The following DOCK6 variants were observed in gnomAD, a reference collection of about 807,000 sequenced individuals.
The protein encoded by DOCK6 is dedicator of cytokinesis protein 6.
A neutral mutation model predicts 230.3 loss-of-function variants in DOCK6; 167 were observed. The observed-to-expected ratio is 0.73, with a 90% CI of 0.64 to 0.82. DOCK6 has a LOEUF of 0.82. DOCK6 is among the 40% of genes least tolerant of loss of function. The pLI, the probability that DOCK6 is intolerant of heterozygous loss-of-function variation, is 0.00. For missense variants in DOCK6, 2,598 were observed against 2,825.8 expected (o/e 0.92, Z 1.83); for synonymous variants, 1,148 against 1,185.0 (o/e 0.97, Z 0.64).
rs1445936845 is a variant in DOCK6, at chr19:11,235,907, G to C, written c.2393-148C>G. 4.8e-6 allele frequency: 5 copies of C among 1,048,564 alleles called. No homozygotes were observed. In the African/African-American group the frequency reaches 8.5e-5, roughly 18 times the overall value. 65.0% of individuals were successfully genotyped at this position (1,048,564 alleles called of 1,614,324 possible). On this transcript the variant is annotated intron_variant, in intron 20 of 47. Transcript: ENST00000294618. ...TTTTTTTTTTTTTTTTTGAGATGGA[G>C]TCTTGCTCTGTTGCCCGGGCTGGAG...
chr19:11,256,054 C>G (rs912801523), intron 1 of DOCK6, among the ~76,000 whole-genome samples: 3 of 152,188 alleles, frequency 2.0e-5, no homozygotes, highest in Non-Finnish European at 4.4e-5. Context: ...TCCCAAAGTG[C>G]TGGGATTACA....
At chr19:11,256,956 G>A (rs1188132588) in intron 1 of DOCK6, among the ~76,000 whole-genome samples, 3 of 151,978 alleles carry the variant, frequency 2.0e-5, no homozygotes, top group Non-Finnish European at 2.9e-5. Flanking sequence ...TGGGATTACA[G>A]GCGTGAGCCA....
chr19:11,251,184 A>C, intron 5 of DOCK6, 98 bp from the exon 6 acceptor site: 1 of 1,261,932 alleles, frequency 7.9e-7, no homozygotes, highest in Non-Finnish European at 1.1e-6. Context: ...AGATGGGGAA[A>C]TTGAGGGTCA....
chr19:11,253,525 C>T (rs2080153265), intron 2 of DOCK6, 114 bp downstream of exon 2: 2 of 636,954 alleles, frequency 3.1e-6, no homozygotes, highest in South Asian at 4.0e-5. Context: ...CTCTCGGTTT[C>T]CCCCCAGGAC....
rs756056804 is a variant in DOCK6, at chr19:11,202,488, A to G, written c.5362-5T>C. The G allele has an allele frequency of 6.2e-7, 1 of 1,611,290 alleles. No individual in the cohort carries two copies. The highest frequency in any genetic ancestry group is 1.1e-5 in the South Asian group (1 of 90,934). ...AAATCTCTCCGTGTAGAACTCCTGG[A>G]GACACAGGGCTGACTCGGGGCCACC... is the stretch of plus-strand genomic sequence containing the variant. On this transcript the variant is annotated splice_region_variant and splice_polypyrimidine_tract_variant and intron_variant, in intron 42 of 47. Coordinates refer to ENST00000294618, the MANE Select transcript of DOCK6 (RefSeq NM_020812.4). This position sits in a 1 kb window ranked among gnomAD's most constrained non-coding sequence, Gnocchi z 5.3.
chr19:11,241,419 TGAG>T, intron 14 of DOCK6: 1 of 1,485,334 alleles, frequency 6.7e-7, no homozygotes, highest in Non-Finnish European at 9.2e-7. Context: ...GGCTGTCGGC[TGAG>T]GTTTCCATTC....
intron 1 of DOCK6, among the ~76,000 whole-genome samples, chr19:11,258,117 G>A (rs1306889215): frequency 1.3e-5 from 2 of 152,184 alleles, no homozygotes; most frequent in African/African-American, 2.4e-5. Context: ...CATGTTCACT[G>A]ACCAAAGAGG....
At position 11,202,404 on chromosome 19, in the gene DOCK6, T is replaced by G; in HGVS notation, c.5441A>C (p.Asp1814Ala). The G allele has an allele frequency of 6.2e-6, 10 of 1,613,714 alleles. No homozygotes were observed. The highest frequency in any genetic ancestry group is 8.5e-6 in the Non-Finnish European group (10 of 1,179,790). ...DSNPVDKSKL[D>A]SQKAYIQITY... The stretch of plus-strand genomic sequence containing the variant: ...GGTTGGGGGACCCACCTTTTGTGAG[T>G]CAAGCTTGGACTTGTCCACAGGGTT... Residue 1814 changes from aspartate to alanine, a missense_variant, in exon 43 of 48, where the codon GAC (aspartate) becomes GCC (alanine). Asp to Ala is a moderately radical substitution (Grantham distance 126). Coordinates refer to ENST00000294618, the MANE Select transcript of DOCK6 (RefSeq NM_020812.4). The surrounding 1 kb of genome is among the most constrained non-coding windows in gnomAD (Gnocchi z 5.3).
chr19:11,213,351 A>T, intron 34 of DOCK6, 23 bp from the exon 35 acceptor site: 1 of 1,604,362 alleles, frequency 6.2e-7, no homozygotes, highest in Non-Finnish European at 8.5e-7. Flanking sequence ...ACCCAGACAG[A>T]CACTGTCCAG....
Position 11,253,652 on chromosome 19 carries a change from C to T in DOCK6, c.119G>A (p.Ser40Asn), listed in dbSNP as rs763819635. ...CCAAATACTTACCCCCAGGGAGCTG[C>T]TGCAGCGCCTGCTGGAGTGGGGGGA... ...SGSPHSSRRC[S>N]SSLGVPLTEV... The change falls in exon 2 of 48, where the codon AGC becomes AAC. Residue 40 changes from serine to asparagine, a missense_variant. Coordinates refer to ENST00000294618, the MANE Select transcript of DOCK6 (RefSeq NM_020812.4). 6.9e-7 allele frequency: 1 copy of T among 1,448,154 alleles called. No homozygotes were observed. Among genetic ancestry groups the T allele is most frequent in the South Asian group, 1.5e-5 (1 of 66,092 alleles). The allele number at this position is 1,448,154 out of a possible 1,614,324, so 89.7% of individuals were successfully genotyped here. A position where few individuals can be genotyped will look rare whatever the true frequency, so the allele number is the denominator to read the frequency against.
At chr19:11,231,748 T>TC (rs2079768793) in intron 22 of DOCK6, among the ~76,000 whole-genome samples, 2 of 151,956 alleles carry the variant, frequency 1.3e-5, no homozygotes, top group African/African-American at 4.8e-5. Context: ...AGGCAAAGCG[T>TC]CCCCCTACAC....
At chr19:11,233,468 G>A (rs929721419) in intron 21 of DOCK6, 102 bp from the exon 22 acceptor site, 1 of 1,399,404 alleles carries the variant, frequency 7.1e-7, no homozygotes, top group Admixed American at 2.4e-5. Flanking sequence ...TTCCTTCTCT[G>A]AGCCTCTAAG....
chr19:11,253,416 C>A (rs759063950), intron 2 of DOCK6, among the ~76,000 whole-genome samples: 18 of 152,248 alleles, frequency 1.2e-4, no homozygotes, highest in Non-Finnish European at 2.2e-4. Flanking sequence ...CCCCTGACCA[C>A]CCACAGGGTG....
At position 11,226,851 on chromosome 19, in the gene DOCK6, T is replaced by C. The variant is rs143214234; in HGVS notation, c.2955+486A>G. Among the ~76,000 whole-genome samples the C allele has an allele frequency of 7.8e-3, 1,184 of 152,324 alleles. 13 individuals carry two copies. Among genetic ancestry groups the C allele is most frequent in the African/African-American group, 0.026 (1,086 of 41,566 alleles). Reference sequence around the variant, plus strand: ...GGGTCTCAGAACATCAACATCCATTTATTGAGCACTTGCTGTATACTCTGA... The same window carrying C: ...GGGTCTCAGAACATCAACATCCATTCATTGAGCACTTGCTGTATACTCTGA... On this transcript the variant is annotated intron_variant, in intron 24 of 47. Coordinates refer to ENST00000294618, the MANE Select transcript of DOCK6 (RefSeq NM_020812.4).
chr19:11,261,846 C>G (rs1282105854), intron 1 of DOCK6, among the ~76,000 whole-genome samples: 1 of 151,976 alleles, frequency 6.6e-6, no homozygotes, highest in Non-Finnish European at 1.5e-5. Context: ...CCCCCTTCCC[C>G]CCCCCCGACA....
At chr19:11,219,224 C>T (rs1372116712) in intron 28 of DOCK6, among the ~76,000 whole-genome samples, 3 of 118,306 alleles carry the variant, frequency 2.5e-5, no homozygotes, top group Non-Finnish European at 4.9e-5. Flanking sequence ...TGCTCTGTTG[C>T]CTAGGCTGGA....
intron 14 of DOCK6, chr19:11,240,051 T>C (rs2079917554): frequency 1.3e-6 from 2 of 1,548,236 alleles, no homozygotes; most frequent in Non-Finnish European, 1.7e-6. Flanking sequence ...GGATACAAGA[T>C]TTTCAGCGAT....
rs527494587 is a variant in DOCK6, at chr19:11,215,456, C to T, written c.4037G>A (p.Gly1346Glu). The T allele has an allele frequency of 1.2e-5, 19 of 1,612,728 alleles. No individual in the cohort carries two copies. The South Asian group carries it at 2.1e-4, about 18-fold the overall frequency. The part of the protein sequence containing the change: ...VRRSRERSPF[G>E]NPENVRWRKS... ...CCGCCAGCGCACATTCTCCGGATTCCCAAACGGGCTCCTCTCTGAGACGCG... is the reference window on the plus strand; with the variant it reads ...CCGCCAGCGCACATTCTCCGGATTCTCAAACGGGCTCCTCTCTGAGACGCG... Residue 1346 changes from glycine (G) to glutamate (E), a missense_variant, in exon 32 of 48, where the codon GGG (glycine) becomes GAG (glutamate). By Grantham distance (98) the Gly-to-Glu change is moderately conservative. Coordinates refer to ENST00000294618, the MANE Select transcript of DOCK6 (RefSeq NM_020812.4).
chr19:11,236,892 G>T lies in DOCK6; in HGVS notation c.2074-13C>A. The T allele has an allele frequency of 6.5e-7, 1 of 1,549,762 alleles. No individual in the cohort carries two copies. The highest frequency in any genetic ancestry group is 1.2e-5 in the South Asian group (1 of 83,986). On this transcript the variant is annotated splice_polypyrimidine_tract_variant and intron_variant, in intron 18 of 47. Coordinates refer to ENST00000294618, the MANE Select transcript of DOCK6 (RefSeq NM_020812.4). This position sits in a 1 kb window ranked among gnomAD's most constrained non-coding sequence, Gnocchi z 5.2. Reference sequence around the variant, plus strand: ...CCGGAAGCGCCACCTGTGGGAGGGAGGCACCAGGTGGGCACTGGTCAGCCC... The same window carrying T: ...CCGGAAGCGCCACCTGTGGGAGGGATGCACCAGGTGGGCACTGGTCAGCCC...
Sources: allele counts gnomAD v4.1 joint callset (sites outside exome capture counted in the v4.1 genomes callset), GRCh38; gene constraint gnomAD v4.1.1; non-coding constraint Gnocchi (gnomAD v3.1); transcripts MANE v1.5; gene names NCBI Gene and HGNC (gene_info 2026-07-23, HGNC 2026-07-21).